The following SAMD4B variants were observed in gnomAD, a reference collection of about 807,000 sequenced individuals.
SAMD4B encodes sterile alpha motif domain containing 4B, also known as protein Smaug homolog 2.
SAMD4B carries 5 observed loss-of-function variants against 74.5 expected under a neutral mutation model. The observed-to-expected ratio is 0.07, with a 90% CI of 0.04 to 0.14. The LOEUF is 0.14. Among genes scored for constraint, SAMD4B ranks in the 10% least tolerant of loss-of-function variants. The probability of loss-of-function intolerance (pLI) is 1.00; values close to 1 mark genes in which losing one functional copy is unlikely to be tolerated. For synonymous variants in SAMD4B, 373 were observed against 374.9 expected, an observed-to-expected ratio of 1.00 and a Z score of 0.06; for missense variants, 608 against 921.8, an observed-to-expected ratio of 0.66 and a Z score of 4.41.
intron 3 of SAMD4B, among the ~76,000 whole-genome samples, chr19:39,361,836 A>G (rs1172440180): frequency 6.6e-6 from 1 of 152,022 alleles, no homozygotes; most frequent in South Asian, 2.1e-4. Context: ...AGGCAGGAGA[A>G]TGGCGTGAAC....
downstream of SAMD4B, chr19:39,386,366 C>T (rs2078249070): frequency 6.2e-7 from 1 of 1,614,090 alleles, no homozygotes; most frequent in Non-Finnish European, 8.5e-7. This position sits in a 1 kb window ranked among gnomAD's most constrained non-coding sequence, Gnocchi z 6.1. Flanking sequence ...CTTCACTGCC[C>T]TCCTTCTCAC....
At chr19:39,354,200 G>C (rs2076213894) in intron 2 of SAMD4B, 134 bp downstream of exon 2, 1 of 152,308 alleles carries the variant, frequency 6.6e-6, no homozygotes, top group South Asian at 2.1e-4. Context: ...TTGACTTTCA[G>C]CATTTCCTCT....
At chr19:39,380,480 G>T in intron 10 of SAMD4B, 107 bp from the exon 11 acceptor site, 2 of 1,181,524 alleles carry the variant, frequency 1.7e-6, no homozygotes, top group Non-Finnish European at 1.3e-6. Flanking sequence ...TGTGATGGAG[G>T]TTTATGTTCT....
chr19:39,361,629 T>C (rs1675747810), intron 3 of SAMD4B, among the ~76,000 whole-genome samples: 1 of 141,458 alleles, frequency 7.1e-6, no homozygotes, highest in African/African-American at 2.6e-5. Context: ...AAAAAAGAGT[T>C]GCCTGTCTTC....
At chr19:39,377,852 A>G in intron 8 of SAMD4B, 28 bp downstream of exon 8, 1 of 1,542,208 alleles carries the variant, frequency 6.5e-7, no homozygotes, top group Non-Finnish European at 8.8e-7. Context: ...CTAGCAGGAA[A>G]TCCTGAGGCA....
intron 2 of SAMD4B, among the ~76,000 whole-genome samples, chr19:39,356,478 C>T (rs954544388): frequency 6.6e-6 from 1 of 152,186 alleles, no homozygotes; most frequent in African/African-American, 2.4e-5. Flanking sequence ...GGATAGGCAT[C>T]TAAGTCCCAG....
intron 2 of SAMD4B, 64 bp from the exon 3 acceptor site, chr19:39,356,625 C>G: frequency 2.9e-6 from 1 of 348,862 alleles, no homozygotes. Flanking sequence ...GCCCCCTCAA[C>G]CCACACTCAC....
rs2078169579 is a variant in SAMD4B, at chr19:39,384,215, T to G, written c.*688T>G. ...TTCTCTGATCATTTCCTCTCATTTT[T>G]AGAATCCCCAGGTCTCTCTCAGCCA... On this transcript the variant is annotated 3_prime_UTR_variant, in exon 14 of 14. Transcript: ENST00000610417. 6.5e-6 allele frequency: 1 copy of G among 153,972 alleles called. No individual in the cohort carries two copies. Among genetic ancestry groups the G allele is most frequent in the African/African-American group, 2.4e-5 (1 of 41,476 alleles). The allele number at this position is 153,972 out of a possible 1,614,324, so 9.5% of individuals were successfully genotyped here.
At chr19:39,385,886 TG>T (rs1568371551), downstream of SAMD4B, 1 of 1,506,564 alleles carries the variant, frequency 6.6e-7, no homozygotes, top group Non-Finnish European at 8.9e-7. Context: ...AGCAAAGGTT[TG>T]GGGGTGGGGA....
At chr19:39,386,927 T>C, downstream of SAMD4B, 1 of 670,380 alleles carries the variant, frequency 1.5e-6, no homozygotes, top group Non-Finnish European at 2.7e-6. The surrounding 1 kb of genome is among the most constrained non-coding windows in gnomAD (Gnocchi z 6.1). Flanking sequence ...TAAATGGGAA[T>C]AAATACAGAT....
chr19:39,344,223 C>CA (rs2075548559), intron 1 of SAMD4B, among the ~76,000 whole-genome samples: 1 of 152,092 alleles, frequency 6.6e-6, no homozygotes, highest in African/African-American at 2.4e-5. Context: ...AATTTTCCCC[C>CA]AAAATAACCC....
Position 39,370,034 on chromosome 19 carries a change from C to T in SAMD4B, c.576C>T (p.Asp192=). Residue 192 remains aspartate, a synonymous_variant, in exon 4 of 14, where the codon GAC becomes GAT. Coordinates refer to ENST00000610417, the MANE Select transcript of SAMD4B (RefSeq NM_001384574.2). The stretch of plus-strand genomic sequence containing the variant: ...GGGAGGCAGGGCCAGGCTGGCAGGA[C>T]AAGCCACCCCGGGAAAATGGACACG... The part of the protein sequence containing the change: ...GPGEAGPGWQ[D]KPPRENGHVP... 1.2e-6 allele frequency: 2 copies of T among 1,611,546 alleles called. No individual in the cohort carries two copies. Among genetic ancestry groups the T allele is most frequent in the East Asian group, 2.2e-5 (1 of 44,712 alleles).
Position 39,385,629 on chromosome 19 carries a change from T to C in SAMD4B, c.*2102T>C, listed in dbSNP as rs1374093772. 6 of 513,084 alleles carry C rather than the reference T, an allele frequency of 1.2e-5. No individual in the cohort carries two copies. The highest frequency in any genetic ancestry group is 9.1e-5 in the East Asian group (3 of 32,870). 31.8% of individuals were successfully genotyped at this position (513,084 alleles called of 1,614,324 possible). ...TTTTCTCGCTGTTGGAGAAGACTTA[T>C]TTGTTGGAGTTTCACTTGTTTAATG... On this transcript the variant is annotated 3_prime_UTR_variant, in exon 14 of 14. Transcript: ENST00000610417.
rs186008649 is a variant in SAMD4B, at chr19:39,356,620, C to T, written c.-205-69C>T. 3.1e-3 allele frequency: 1,037 copies of T among 329,858 alleles called. 4 individuals are homozygous for T. Among genetic ancestry groups the T allele is most frequent in the Non-Finnish European group, 4.9e-3 (869 of 179,006 alleles). 20.4% of individuals were successfully genotyped at this position (329,858 alleles called of 1,614,324 possible). A position where few individuals can be genotyped will look rare whatever the true frequency, so the allele number is the denominator to read the frequency against. Reference sequence around the variant, plus strand: ...GAAAGGCATGAGGCCTTCATGCCCCCTCAACCCACACTCACCAGGCAAGTT... The same window carrying T: ...GAAAGGCATGAGGCCTTCATGCCCCTTCAACCCACACTCACCAGGCAAGTT... On this transcript the variant is annotated intron_variant, in intron 2 of 13. Coordinates refer to ENST00000610417, the MANE Select transcript of SAMD4B (RefSeq NM_001384574.2).
At chr19:39,374,626 G>A (rs1321495641) in intron 4 of SAMD4B, among the ~76,000 whole-genome samples, 1 of 152,180 alleles carries the variant, frequency 6.6e-6, no homozygotes, top group Admixed American at 6.5e-5. Flanking sequence ...CGGATCACGA[G>A]GTCAGGAGAT....
downstream of SAMD4B, chr19:39,388,192 AT>A (rs1258506012): frequency 1.3e-3 from 955 of 763,190 alleles, 16 homozygotes; most frequent in South Asian, 0.016. Context: ...AGTCCAGCTC[AT>A]GTGCATGACC....
rs550875023 is a variant in SAMD4B, at chr19:39,380,716, C to T, written c.1779C>T (p.Pro593=). ...LPPGRMGLLS[P]SGIGGVSPRH... ...CCGGCCGGATGGGCCTCCTGAGCCCCTCGGGCATTGGGGGTGTCTCCCCTC... is the reference window on the plus strand; with the variant it reads ...CCGGCCGGATGGGCCTCCTGAGCCCTTCGGGCATTGGGGGTGTCTCCCCTC... The change falls in exon 11 of 14, where the codon CCC becomes CCT. Residue 593 remains proline, a synonymous_variant. Coordinates refer to ENST00000610417, the MANE Select transcript of SAMD4B (RefSeq NM_001384574.2). 6.2e-7 allele frequency: 1 copy of T among 1,610,596 alleles called. No homozygotes were observed. The highest frequency in any genetic ancestry group is 1.3e-5 in the African/African-American group (1 of 75,014).
downstream of SAMD4B, among the ~76,000 whole-genome samples, chr19:39,387,998 G>T (rs993589627): frequency 3.1e-4 from 47 of 152,124 alleles, no homozygotes; most frequent in Non-Finnish European, 1.3e-4. Flanking sequence ...AAAATTAGCT[G>T]GCCATGCTGG....
Position 39,378,416 on chromosome 19 carries a change from C to G in SAMD4B, c.1445-88C>G. ...ATTCATCCAGCCTGAGTCTCCTGTT[C>G]CTTCTTGTGCACGAGCCAGCTGGAG... On this transcript the variant is annotated intron_variant, in intron 8 of 13. Coordinates refer to ENST00000610417, the MANE Select transcript of SAMD4B (RefSeq NM_001384574.2). This position sits in a 1 kb window ranked among gnomAD's most constrained non-coding sequence, Gnocchi z 4.4. 1 of 1,151,300 alleles carries G rather than the reference C, an allele frequency of 8.7e-7. No individual in the cohort carries two copies. Among genetic ancestry groups the G allele is most frequent in the South Asian group, 1.3e-5 (1 of 79,032 alleles). The allele number at this position is 1,151,300 out of a possible 1,614,324, so 71.3% of individuals were successfully genotyped here. A position where few individuals can be genotyped will look rare whatever the true frequency, so the allele number is the denominator to read the frequency against.
Sources: gnomAD v4.1 joint callset for allele counts (sites outside exome capture counted in the v4.1 genomes callset) on GRCh38, gnomAD v4.1.1 for gene constraint, Gnocchi (gnomAD v3.1) non-coding constraint, MANE v1.5 for transcripts, NCBI Gene and HGNC (gene_info 2026-07-23, HGNC 2026-07-21) for gene names.